The following DLC1 variants were observed in gnomAD, a reference collection of about 807,000 sequenced individuals.
DLC1 encodes DLC1 Rho GTPase activating protein, also known as rho GTPase-activating protein 7.
Under a neutral mutation model 140.3 loss-of-function variants are expected in DLC1, and 54 were observed. The observed-to-expected ratio is 0.38, with a 90% confidence interval of 0.31 to 0.48. The LOEUF (loss-of-function observed/expected upper bound fraction) is 0.48, where lower values mean the gene tolerates loss of function less well. Among genes scored for constraint, DLC1 ranks in the 20% least tolerant of loss-of-function variants. The probability of loss-of-function intolerance (pLI) is 0.96; values close to 1 mark genes in which losing one functional copy is unlikely to be tolerated. For synonymous variants in DLC1, 986 were observed against 728.1 expected (o/e 1.35, Z -5.70); for missense variants, 2,536 against 1,907.0 (o/e 1.33, Z -6.14).
chr8:13,153,618 C>A (rs1202954176), intron 5 of DLC1, among the ~76,000 whole-genome samples: 1 of 152,180 alleles, frequency 6.6e-6, no homozygotes, highest in African/African-American at 2.4e-5. Context: ...TGACAGGGTG[C>A]TGATTGGTGC....
At chr8:13,473,530 T>A (rs559365203) in intron 2 of DLC1, among the ~76,000 whole-genome samples, 96 of 152,292 alleles carry the variant, frequency 6.3e-4, no homozygotes, top group African/African-American at 2.2e-3. Context: ...GAAACATATT[T>A]GGAACTGGGT....
intron 5 of DLC1, among the ~76,000 whole-genome samples, chr8:13,119,522 G>A (rs867241843): frequency 1.3e-5 from 2 of 152,062 alleles, no homozygotes; most frequent in South Asian, 2.1e-4. Flanking sequence ...TGCTTAATAC[G>A]CATAAGGCCC....
chr8:13,220,695 G>A (rs541716197), intron 5 of DLC1, among the ~76,000 whole-genome samples: 1 of 152,134 alleles, frequency 6.6e-6, no homozygotes, highest in Non-Finnish European at 1.5e-5. Context: ...GTGGGGACAT[G>A]CACAGCATAT....
chr8:13,289,347 C>T (rs1014193716), intron 5 of DLC1, among the ~76,000 whole-genome samples: 1 of 152,102 alleles, frequency 6.6e-6, no homozygotes, highest in Admixed American at 6.6e-5. Flanking sequence ...TGTGCCTTTG[C>T]ACCTGGTTAA....
chr8:13,463,342 A>G (rs913805855), intron 2 of DLC1, among the ~76,000 whole-genome samples: 3 of 152,138 alleles, frequency 2.0e-5, no homozygotes, highest in Admixed American at 6.5e-5. Context: ...TCTTTGCTGT[A>G]AGGTAACAGA....
intron 5 of DLC1, among the ~76,000 whole-genome samples, chr8:13,188,799 G>GTGTGTGTATATATATATATATATATATA (rs1554465470): frequency 7.5e-5 from 6 of 79,548 alleles, no homozygotes; most frequent in Non-Finnish European, 1.4e-4. Flanking sequence ...GTGTGTGTGT[G>GTGTGTGTATATATATATATATATATATA]TGTATATATA....
chr8:13,404,209 G>T (rs1837425046), intron 2 of DLC1, among the ~76,000 whole-genome samples: 1 of 152,050 alleles, frequency 6.6e-6, no homozygotes, highest in South Asian at 2.1e-4. Context: ...GAAATGGGTG[G>T]GCTATGGTAT....
At chr8:13,580,876 A>ATTGTT (rs1805069967) in intron 1 of DLC1, among the ~76,000 whole-genome samples, 1 of 152,098 alleles carries the variant, frequency 6.6e-6, no homozygotes, top group South Asian at 2.1e-4. Flanking sequence ...AAGAGAATGG[A>ATTGTT]TTGTTTTCTA....
At chr8:13,120,468 G>C in intron 5 of DLC1, among the ~76,000 whole-genome samples, 1 of 149,334 alleles carries the variant, frequency 6.7e-6, no homozygotes, top group Non-Finnish European at 1.5e-5. Context: ...ATATTACTTT[G>C]GACACGTTTA....
chr8:13,313,242 G>C (rs3910124), intron 4 of DLC1, among the ~76,000 whole-genome samples: 43,824 of 151,946 alleles, frequency 0.29, 7,058 homozygotes, highest in East Asian at 0.42. Context: ...CGTGTGCCTA[G>C]GTCTAGTTAA....
chr8:13,236,276 T>C (rs1829276005), intron 5 of DLC1, among the ~76,000 whole-genome samples: 1 of 152,108 alleles, frequency 6.6e-6, no homozygotes, highest in Non-Finnish European at 1.5e-5. Context: ...TGATTTTCTA[T>C]AGACTTTAAC....
intron 5 of DLC1, among the ~76,000 whole-genome samples, chr8:13,193,125 A>C (rs759686439): frequency 2.0e-5 from 3 of 152,058 alleles, no homozygotes; most frequent in Non-Finnish European, 2.9e-5. Context: ...TTATGGAGAG[A>C]CCTCTCAATC....
rs138077104 is a variant in DLC1 at position 13,456,013 on chromosome 8, A to G, written c.1023+43036T>C. On this transcript the variant is annotated intron_variant, in intron 2 of 17. Coordinates refer to ENST00000276297, the MANE Select transcript of DLC1 (RefSeq NM_182643.3). ...ATTCATTTGTTCATTTGCTAATTCAACAAGTGTTGTCTTCCAAAGAGTGTT... is the reference window on the plus strand; with the variant it reads ...ATTCATTTGTTCATTTGCTAATTCAGCAAGTGTTGTCTTCCAAAGAGTGTT... Among the ~76,000 whole-genome samples, 246 of 152,376 alleles carry G rather than the reference A, an allele frequency of 1.6e-3. 3 individuals carry two copies. The highest frequency in any genetic ancestry group is 0.014 in the Middle Eastern group (4 of 294).
At chr8:13,597,669 A>G (rs1805727845) in intron 1 of DLC1, among the ~76,000 whole-genome samples, 1 of 152,070 alleles carries the variant, frequency 6.6e-6, no homozygotes, top group South Asian at 2.1e-4. Context: ...CATGGGAGGC[A>G]CTGACCATAA....
chr8:13,301,319 G>C (rs970036036), intron 5 of DLC1, among the ~76,000 whole-genome samples: 3 of 152,120 alleles, frequency 2.0e-5, no homozygotes, highest in Non-Finnish European at 4.4e-5. Context: ...GAATCATGGA[G>C]AAAGTGATCT....
intron 2 of DLC1, among the ~76,000 whole-genome samples, chr8:13,410,691 C>T (rs1032592406): frequency 5.3e-5 from 8 of 151,610 alleles, no homozygotes; most frequent in Non-Finnish European, 1.0e-4. Flanking sequence ...ATGTAAAAGA[C>T]TGAATAAATG....
chr8:13,243,612 TTC>T (rs1829634776), intron 5 of DLC1, among the ~76,000 whole-genome samples: 1 of 152,152 alleles, frequency 6.6e-6, no homozygotes, highest in Non-Finnish European at 1.5e-5. Context: ...AGAGCATATT[TTC>T]TTCTTTTTTT....
At chr8:13,174,399 T>A (rs1184397218) in intron 5 of DLC1, among the ~76,000 whole-genome samples, 1 of 152,192 alleles carries the variant, frequency 6.6e-6, no homozygotes, top group Non-Finnish European at 1.5e-5. Flanking sequence ...GATTGCTGGG[T>A]TGAATGGTAG....
At chr8:13,521,733 T>C (rs930304950) in intron 1 of DLC1, among the ~76,000 whole-genome samples, 4 of 152,170 alleles carry the variant, frequency 2.6e-5, no homozygotes, top group African/African-American at 9.6e-5. Context: ...CAAAGCCTCG[T>C]GTCCTTGAAA....
Sources: gnomAD v4.1 joint callset for allele counts (sites outside exome capture counted in the v4.1 genomes callset) on GRCh38, gnomAD v4.1.1 for gene constraint, MANE v1.5 for transcripts, NCBI Gene and HGNC (gene_info 2026-07-23, HGNC 2026-07-21) for gene names.